The following ABCA1 variants were observed in gnomAD, a reference collection of about 807,000 sequenced individuals.
ABCA1 encodes phospholipid-transporting ATPase ABCA1.
In ABCA1, 133 loss-of-function variants were observed where a neutral mutation model predicts 262.5. The ratio of observed to expected loss-of-function variants is 0.51; its 90% CI spans 0.44 to 0.59. The LOEUF (loss-of-function observed/expected upper bound fraction) is 0.59. Among genes scored for constraint, ABCA1 ranks in the 20% least tolerant of loss-of-function variants. The pLI is 0.00. For missense variants in ABCA1, 2,452 were observed against 2,777.5 expected (o/e 0.88, Z 2.63); for synonymous variants, 1,022 against 1,043.5 (o/e 0.98, Z 0.40).
chr9:104,868,760 A>T (rs1197093810), intron 5 of ABCA1, among the ~76,000 whole-genome samples: 2 of 152,228 alleles, frequency 1.3e-5, no homozygotes, highest in East Asian at 3.9e-4. Context: ...GAAGAAACGA[A>T]GCAGAACCCT....
intron 7 of ABCA1, among the ~76,000 whole-genome samples, chr9:104,846,815 G>T (rs1238896862): frequency 2.6e-5 from 4 of 152,106 alleles, no homozygotes; most frequent in Non-Finnish European, 4.4e-5. Flanking sequence ...ACTCAGATAG[G>T]CCTCTGTGAT....
intron 2 of ABCA1, among the ~76,000 whole-genome samples, chr9:104,895,553 C>G (rs1840128981): frequency 6.6e-6 from 1 of 152,224 alleles, no homozygotes; most frequent in Admixed American, 6.5e-5. Flanking sequence ...TCGAGAACCA[C>G]TGCTCTAGAG....
chr9:104,916,425 G>A (rs1841847220), intron 1 of ABCA1, among the ~76,000 whole-genome samples: 1 of 152,172 alleles, frequency 6.6e-6, no homozygotes, highest in Admixed American at 6.5e-5. Flanking sequence ...ACAGACAGGA[G>A]AAATAAATGA....
At chr9:104,868,157 C>T (rs148421656) in intron 5 of ABCA1, among the ~76,000 whole-genome samples, 2 of 152,102 alleles carry the variant, frequency 1.3e-5, no homozygotes, top group East Asian at 1.9e-4. Context: ...GTCGGAAGTT[C>T]GAGACCAGCC....
Position 104,824,586 on chromosome 9 carries a change from C to G in ABCA1, c.2543-8G>C, listed in dbSNP as rs748240378. ...TGGGAATTCCGTACTGGCCTGAAAG[C>G]AAAGCACAGGTATGAGCCAAGCTCA... On this transcript the variant is annotated splice_region_variant and splice_polypyrimidine_tract_variant and intron_variant, in intron 17 of 49. Coordinates refer to ENST00000374736, the MANE Select transcript of ABCA1 (RefSeq NM_005502.4). 6.2e-7 allele frequency: 1 copy of G among 1,613,280 alleles called. No individual in the cohort carries two copies. Among genetic ancestry groups the G allele is most frequent in the South Asian group, 1.1e-5 (1 of 91,030 alleles).
intron 10 of ABCA1, 83 bp from the exon 11 acceptor site, chr9:104,837,179 T>C (rs1290064531): frequency 2.9e-5 from 35 of 1,226,172 alleles, no homozygotes; most frequent in African/African-American, 5.9e-5. Flanking sequence ...CCTGAAAAGA[T>C]ACCCCATCAC....
intron 11 of ABCA1, among the ~76,000 whole-genome samples, chr9:104,834,177 A>G (rs1833593278): frequency 6.7e-6 from 1 of 149,948 alleles, no homozygotes; most frequent in African/African-American, 2.4e-5. Context: ...AATTATTCCT[A>G]TAGTGCTGAA....
intron 1 of ABCA1, among the ~76,000 whole-genome samples, chr9:104,913,791 ATT>A (rs890934610): frequency 1.3e-5 from 2 of 151,078 alleles, no homozygotes; most frequent in African/African-American, 2.4e-5. Context: ...ATTTTATTTT[ATT>A]TATTTATCTA....
intron 1 of ABCA1, among the ~76,000 whole-genome samples, chr9:104,919,580 C>G (rs1463968286): frequency 6.6e-6 from 1 of 151,874 alleles, no homozygotes; most frequent in Admixed American, 6.6e-5. Context: ...CCACTGCACT[C>G]CAGCCTGGGC....
At position 104,786,895 on chromosome 9, in the gene ABCA1, A is replaced by G; in HGVS notation, c.6286T>C (p.Ser2096Pro). ...GACCTATGAGATGTAAGCACTACTG[A>G]TCTCCCCTCCTTGACAACACTTAGG... ...CALSVVKEGR[S>P]VVLTSHSMEE... Residue 2096 changes from serine (S) to proline (P), a missense_variant, in exon 47 of 50, where the codon TCA becomes CCA. Around this residue, in one of 4 missense-constraint regions of ABCA1, gnomAD observed 752 missense variants for 944.5 expected, o/e 0.80. Transcript: ENST00000374736. 1 of 1,613,966 alleles carries G rather than the reference A, an allele frequency of 6.2e-7. No homozygotes were observed. The highest frequency in any genetic ancestry group is 1.7e-4 in the Middle Eastern group (1 of 6,060).
rs776359390 is a variant in ABCA1 at position 104,858,533 on chromosome 9, T to C, written c.709A>G (p.Lys237Glu). ...GCAAGTCTACTCACCAGGATTGGCTTCAGGATGTCCATGTTGGAACGAAGT... is the reference window on the plus strand; with the variant it reads ...GCAAGTCTACTCACCAGGATTGGCTCCAGGATGTCCATGTTGGAACGAAGT... ...RVLRSNMDIL[K>E]PILRTLNSTS... The change falls in exon 7 of 50, where the codon AAG becomes GAG. Residue 237 changes from lysine to glutamate, a missense_variant. Transcript: ENST00000374736. 2.1e-5 allele frequency: 34 copies of C among 1,613,748 alleles called. 2 individuals are homozygous for C. The South Asian group carries it at 3.7e-4, about 18-fold the overall frequency.
intron 31 of ABCA1, among the ~76,000 whole-genome samples, chr9:104,805,153 C>A (rs904711694): frequency 6.6e-6 from 1 of 152,096 alleles, no homozygotes; most frequent in Non-Finnish European, 1.5e-5. Context: ...TGGCTCCCTG[C>A]GACCTCCACC....
At chr9:104,896,878 G>A (rs1406137707) in intron 2 of ABCA1, among the ~76,000 whole-genome samples, 1 of 151,228 alleles carries the variant, frequency 6.6e-6, no homozygotes, top group Non-Finnish European at 1.5e-5. Context: ...CTCCAGGCAA[G>A]TACCACCATG....
rs1831997274 is a variant in ABCA1, at chr9:104,818,663, C to G, written c.3462G>C (p.Lys1154Asn). The change falls in exon 23 of 50, where the codon AAG becomes AAC. Residue 1154 changes from lysine to asparagine, a missense_variant and splice_region_variant. Coordinates refer to ENST00000374736, the MANE Select transcript of ABCA1 (RefSeq NM_005502.4). ...GCCCAGCACCAAGACTGCAGCTCACCTTTTTCAGGTATGACACAGTGCTAC... is the reference window on the plus strand; with the variant it reads ...GCCCAGCACCAAGACTGCAGCTCACGTTTTTCAGGTATGACACAGTGCTAC... ...NSSSTVSYLK[K>N]EDSVSQSSSD... The G allele has an allele frequency of 6.2e-7, 1 of 1,612,720 alleles. No homozygotes were observed. Among genetic ancestry groups the G allele is most frequent in the African/African-American group, 1.3e-5 (1 of 74,848 alleles).
intron 20 of ABCA1, 34 bp from the exon 21 acceptor site, chr9:104,820,103 T>C (rs781400878): frequency 1.1e-5 from 17 of 1,613,982 alleles, no homozygotes; most frequent in Non-Finnish European, 1.4e-5. Flanking sequence ...CTCTGGGCCC[T>C]ACTGGATACC....
At chr9:104,823,432 G>C (rs1832547806) in intron 18 of ABCA1, among the ~76,000 whole-genome samples, 1 of 152,202 alleles carries the variant, frequency 6.6e-6, no homozygotes, top group African/African-American at 2.4e-5. Flanking sequence ...AGTTACACAT[G>C]CTGCTACCAT....
chr9:104,856,163 C>A, intron 7 of ABCA1: 1 of 1,469,500 alleles, frequency 6.8e-7, no homozygotes, highest in Non-Finnish European at 9.0e-7. Flanking sequence ...AAGTATCAGT[C>A]CCAGCATTCC....
intron 1 of ABCA1, among the ~76,000 whole-genome samples, chr9:104,911,917 C>T (rs1406866550): frequency 6.6e-6 from 1 of 152,204 alleles, no homozygotes; most frequent in Non-Finnish European, 1.5e-5. Flanking sequence ...AGAGGTTCTG[C>T]TATCACACTG....
intron 8 of ABCA1, among the ~76,000 whole-genome samples, chr9:104,843,155 A>C (rs1450589449): frequency 6.6e-6 from 1 of 152,050 alleles, no homozygotes; most frequent in African/African-American, 2.4e-5. Flanking sequence ...TCTTCACTGC[A>C]TATATCCCTC....
Sources: allele counts gnomAD v4.1 joint callset (sites outside exome capture counted in the v4.1 genomes callset), GRCh38; gene constraint gnomAD v4.1.1; regional missense constraint gnomAD v4.1.1; transcripts MANE v1.5; gene names NCBI Gene and HGNC (gene_info 2026-07-23, HGNC 2026-07-21).